Variants in CADM2 observed in about 807,000 individuals in gnomAD.
The protein encoded by CADM2 is immunoglobulin superfamily member 4D.
In CADM2, 12 loss-of-function variants were observed where a neutral mutation model predicts 49.8. The observed-to-expected ratio is 0.24, with a 90% CI of 0.15 to 0.39. The LOEUF is 0.39. CADM2 is among the 10% of genes least tolerant of loss of function. The pLI is 1.00. For synonymous variants in CADM2, 214 were observed against 175.4 expected, an observed-to-expected ratio of 1.22 and a Z score of -1.74; for missense variants, 378 against 492.3, an observed-to-expected ratio of 0.77 and a Z score of 2.20.
Position 86,038,559 on chromosome 3 carries a change from T to A in CADM2, c.971-27046T>A, listed in dbSNP as rs73136123. On this transcript the variant is annotated intron_variant, in intron 8 of 9. Coordinates refer to ENST00000383699, the MANE Select transcript of CADM2 (RefSeq NM_001167675.2). Reference sequence around the variant, plus strand: ...CTTCAATATAGTTCCTGCACCTACTTCCCCTCACAGGCATGTGCATGGCCA... The same window carrying A: ...CTTCAATATAGTTCCTGCACCTACTACCCCTCACAGGCATGTGCATGGCCA... Among the ~76,000 whole-genome samples the A allele has an allele frequency of 5.4e-3, 819 of 152,240 alleles. 4 individuals are homozygous for A. Among genetic ancestry groups the A allele is most frequent in the Non-Finnish European group, 8.5e-3 (580 of 68,022 alleles).
chr3:85,887,991 C>T (rs1026789976), intron 5 of CADM2, among the ~76,000 whole-genome samples: 1 of 152,184 alleles, frequency 6.6e-6, no homozygotes, highest in African/African-American at 2.4e-5. Flanking sequence ...TTACACGTCA[C>T]ATATTTCCTT....
chr3:85,786,515 C>G (rs1049449841), intron 2 of CADM2, among the ~76,000 whole-genome samples: 1 of 151,954 alleles, frequency 6.6e-6, no homozygotes, highest in African/African-American at 2.4e-5. Flanking sequence ...TTTGTGCATT[C>G]AAAAATGATC....
chr3:85,781,671 A>T (rs74877033), intron 2 of CADM2, among the ~76,000 whole-genome samples: 8,147 of 152,232 alleles, frequency 0.054, 379 homozygotes, highest in East Asian at 0.19. Context: ...TCTTTGTTTA[A>T]CCAAAGACTG....
chr3:85,568,365 A>G (rs1367158318), intron 1 of CADM2, among the ~76,000 whole-genome samples: 2 of 152,042 alleles, frequency 1.3e-5, no homozygotes, highest in East Asian at 3.9e-4. Flanking sequence ...AAAGAGTGGT[A>G]AGGATTGTTA....
intron 1 of CADM2, among the ~76,000 whole-genome samples, chr3:85,698,527 C>CT (rs2066643138): frequency 6.6e-6 from 1 of 152,074 alleles, no homozygotes; most frequent in Non-Finnish European, 1.5e-5. Flanking sequence ...CCTCAGGAAA[C>CT]TTACAATCAT....
intron 1 of CADM2, among the ~76,000 whole-genome samples, chr3:85,084,106 C>T (rs2107507198): frequency 6.6e-6 from 1 of 152,258 alleles, no homozygotes; most frequent in African/African-American, 2.4e-5. Flanking sequence ...CCTTCTGTGA[C>T]TGGTCTGCTG....
At chr3:86,030,727 G>A (rs1246098291) in intron 8 of CADM2, among the ~76,000 whole-genome samples, 1 of 151,852 alleles carries the variant, frequency 6.6e-6, no homozygotes, top group African/African-American at 2.4e-5. Context: ...TTCTTCAACT[G>A]TGAATCTAGC....
chr3:85,806,901 C>A (rs1207141858), intron 3 of CADM2, among the ~76,000 whole-genome samples: 1 of 152,062 alleles, frequency 6.6e-6, no homozygotes, highest in Non-Finnish European at 1.5e-5. Context: ...CAAATTCAAG[C>A]TTTTACAACT....
chr3:85,330,617 C>A (rs1355584315), intron 1 of CADM2, among the ~76,000 whole-genome samples: 1 of 151,924 alleles, frequency 6.6e-6, no homozygotes, highest in Non-Finnish European at 1.5e-5. Flanking sequence ...TAGGCAATGT[C>A]TTTATAAATC....
chr3:84,961,201 G>T (rs1182145718), intron 1 of CADM2, among the ~76,000 whole-genome samples: 1 of 152,116 alleles, frequency 6.6e-6, no homozygotes, highest in Non-Finnish European at 1.5e-5. Context: ...CCATCTTTCA[G>T]CAAGTTCTTG....
chr3:85,588,065 C>T (rs2062993194), intron 1 of CADM2, among the ~76,000 whole-genome samples: 2 of 152,016 alleles, frequency 1.3e-5, no homozygotes, highest in African/African-American at 4.8e-5. Flanking sequence ...TCGTGCATGG[C>T]TGGCAAAATC....
chr3:85,330,315 T>C (rs1231275832), intron 1 of CADM2, among the ~76,000 whole-genome samples: 4 of 151,850 alleles, frequency 2.6e-5, no homozygotes, highest in Admixed American at 2.6e-4. Flanking sequence ...TGAACTCTCA[T>C]AGCACTTATC....
At chr3:85,668,755 C>T (rs537874602) in intron 1 of CADM2, among the ~76,000 whole-genome samples, 3 of 152,144 alleles carry the variant, frequency 2.0e-5, no homozygotes, top group Admixed American at 6.6e-5. Flanking sequence ...TGCCCAGTCT[C>T]GGATATGTAT....
In CADM2 at chr3:85,595,040, T is replaced by C. The variant is rs140233673; in HGVS notation, c.62-131482T>C. On this transcript the variant is annotated intron_variant, in intron 1 of 9. Coordinates refer to ENST00000383699, the MANE Select transcript of CADM2 (RefSeq NM_001167675.2). ...AAAGGGGAAAATTTTCAAATCTGCTTTCAAGTTACATTTAACAAGTACTTC... is the reference window on the plus strand; with the variant it reads ...AAAGGGGAAAATTTTCAAATCTGCTCTCAAGTTACATTTAACAAGTACTTC... 2.3e-3 allele frequency among the ~76,000 whole-genome samples: 346 copies of C among 152,142 alleles called. 3 individuals carry two copies. Among genetic ancestry groups the C allele is most frequent in the African/African-American group, 7.9e-3 (329 of 41,554 alleles).
intron 8 of CADM2, chr3:86,013,128 C>T: frequency 7.5e-7 from 1 of 1,338,946 alleles, no homozygotes; most frequent in Non-Finnish European, 1.1e-6. Context: ...TTGAACAAAC[C>T]ACGTAAGTAG....
chr3:85,526,722 A>G (rs572867091), intron 1 of CADM2, among the ~76,000 whole-genome samples: 1 of 152,292 alleles, frequency 6.6e-6, no homozygotes, highest in East Asian at 1.9e-4. Flanking sequence ...ATTCTCTACT[A>G]AAATGGGTTA....
At position 85,968,414 on chromosome 3, in the gene CADM2, TA is replaced by T. The variant is rs1186741395; in HGVS notation, c.970+6769del. 6.6e-5 allele frequency among the ~76,000 whole-genome samples: 10 copies of T among 151,656 alleles called. No individual in the cohort carries two copies. The Admixed American group carries it at 6.6e-4, about 10-fold the overall frequency. On this transcript the variant is annotated intron_variant, in intron 8 of 9. Coordinates refer to ENST00000383699, the MANE Select transcript of CADM2 (RefSeq NM_001167675.2). ...AAGGCTTAATTATATGTCTCTGTTT[TA>T]AGATGAGCATAAAGTAGGTACACTA... is the stretch of plus-strand genomic sequence containing the variant.
At chr3:85,961,844 T>C (rs1724856589) in intron 8 of CADM2, among the ~76,000 whole-genome samples, 197 bp downstream of exon 8, 1 of 151,936 alleles carries the variant, frequency 6.6e-6, no homozygotes, top group Non-Finnish European at 1.5e-5. Context: ...AATTGTAACA[T>C]ACATAAAATT....
chr3:85,224,620 T>C (rs2042113591), intron 1 of CADM2, among the ~76,000 whole-genome samples: 1 of 152,214 alleles, frequency 6.6e-6, no homozygotes, highest in South Asian at 2.1e-4. Context: ...ATCCCATTTG[T>C]CAATTTTGGC....
Sources: allele counts gnomAD v4.1 joint callset (sites outside exome capture counted in the v4.1 genomes callset), GRCh38; gene constraint gnomAD v4.1.1; transcripts MANE v1.5; gene names NCBI Gene and HGNC (gene_info 2026-07-23, HGNC 2026-07-21).